SDK1: variants seen among roughly 807,000 people sequenced by gnomAD.
SDK1 encodes the protein protein sidekick-1.
Under a neutral mutation model 245.5 loss-of-function variants are expected in SDK1, and 157 were observed. That is an observed-to-expected ratio of 0.64 (90% confidence interval 0.56 to 0.73). The LOEUF is 0.73. SDK1 is among the 30% of genes least tolerant of loss of function. The pLI is 0.00. For synonymous variants in SDK1, 1,647 were observed against 1,278.5 expected (o/e 1.29, Z -6.15); for missense variants, 3,583 against 3,002.3 (o/e 1.19, Z -4.52).
At chr7:3,944,840 G>C (rs1264031686) in intron 5 of SDK1, among the ~76,000 whole-genome samples, 3 of 152,216 alleles carry the variant, frequency 2.0e-5, no homozygotes, top group African/African-American at 4.8e-5. Flanking sequence ...AAATCTCAGA[G>C]GGAGGCATCA....
intron 1 of SDK1, among the ~76,000 whole-genome samples, chr7:3,557,304 C>T (rs1047460323): frequency 2.0e-5 from 3 of 152,138 alleles, no homozygotes; most frequent in African/African-American, 7.2e-5. Context: ...TCATAAAGGA[C>T]AAGATTACAC....
At chr7:4,197,517 T>C (rs1210242769) in intron 35 of SDK1, among the ~76,000 whole-genome samples, 3 of 152,054 alleles carry the variant, frequency 2.0e-5, no homozygotes, top group Non-Finnish European at 4.4e-5. Context: ...AAAACATTCT[T>C]CCACAAGGAG....
chr7:3,866,915 C>T (rs1780836145), intron 5 of SDK1, among the ~76,000 whole-genome samples: 1 of 152,152 alleles, frequency 6.6e-6, no homozygotes, highest in African/African-American at 2.4e-5. Context: ...ACGTGGCCTC[C>T]ATCCACAGCC....
At position 3,347,073 on chromosome 7, in the gene SDK1, G is replaced by T. The variant is rs149247780; in HGVS notation, c.298+45189G>T. Among the ~76,000 whole-genome samples, 45 of 151,584 alleles carry T rather than the reference G, an allele frequency of 3.0e-4. 1 individual carries two copies. In the East Asian group the frequency reaches 8.8e-3, roughly 30 times the overall value. On this transcript the variant is annotated intron_variant, in intron 1 of 44. Coordinates refer to ENST00000404826, the MANE Select transcript of SDK1 (RefSeq NM_152744.4). ...GTTAAATTCTTGCTGTTCCCTGAAA[G>T]ACTTTGCATCTTCGTGCTTCTGTTG...
chr7:4,244,269 T>C (rs1338285672), intron 43 of SDK1, among the ~76,000 whole-genome samples: 1 of 152,210 alleles, frequency 6.6e-6, no homozygotes, highest in Non-Finnish European at 1.5e-5. Flanking sequence ...TGCCACTCAG[T>C]TCTGCACTCA....
At chr7:3,660,861 C>A (rs1302086701) in intron 4 of SDK1, among the ~76,000 whole-genome samples, 1 of 152,198 alleles carries the variant, frequency 6.6e-6, no homozygotes, top group Non-Finnish European at 1.5e-5. Context: ...TCTAGACTTG[C>A]CCATTCATTA....
At position 4,143,164 on chromosome 7, in the gene SDK1, G is replaced by A. The variant is rs1457164507; in HGVS notation, c.4229-2558G>A. On this transcript the variant is annotated intron_variant, in intron 28 of 44. Coordinates refer to ENST00000404826, the MANE Select transcript of SDK1 (RefSeq NM_152744.4). Reference sequence around the variant, plus strand: ...TGTTCTGGGCCCCTGTGCTGCTTCCGGTGGGCATTCAGCACCCTGTCCTGG... The same window carrying A: ...TGTTCTGGGCCCCTGTGCTGCTTCCAGTGGGCATTCAGCACCCTGTCCTGG... Among the ~76,000 whole-genome samples, 4 of 152,252 alleles carry A rather than the reference G, an allele frequency of 2.6e-5. No homozygotes were observed. In the East Asian group the frequency reaches 5.8e-4, roughly 22 times the overall value.
chr7:3,312,653 C>G (rs905683059), intron 1 of SDK1, among the ~76,000 whole-genome samples: 4 of 151,590 alleles, frequency 2.6e-5, no homozygotes, highest in African/African-American at 9.7e-5. Flanking sequence ...ATTGAAAAAT[C>G]AATAGATTTT....
intron 32 of SDK1, among the ~76,000 whole-genome samples, chr7:4,164,160 AG>A (rs1781346103): frequency 2.0e-5 from 3 of 152,124 alleles, no homozygotes; most frequent in Admixed American, 2.0e-4. Context: ...ACCAGAGCAT[AG>A]GGGGGCCAGA....
chr7:3,593,176 T>G (rs1316420114), intron 1 of SDK1, among the ~76,000 whole-genome samples: 3 of 151,814 alleles, frequency 2.0e-5, no homozygotes, highest in African/African-American at 7.3e-5. Flanking sequence ...CAAGTTAATT[T>G]CTTGACTTTA....
intron 1 of SDK1, among the ~76,000 whole-genome samples, chr7:3,526,375 A>C (rs1338649203): frequency 6.6e-6 from 1 of 152,220 alleles, no homozygotes; most frequent in African/African-American, 2.4e-5. Context: ...TATTGGAGAT[A>C]ATTTTTGAAG....
intron 38 of SDK1, among the ~76,000 whole-genome samples, chr7:4,218,906 G>A (rs1429654463): frequency 1.3e-5 from 2 of 151,150 alleles, no homozygotes; most frequent in Admixed American, 6.6e-5. Context: ...TTTTTTTAAT[G>A]CATCATTTTC....
At chr7:4,012,338 C>A in intron 16 of SDK1, 103 bp downstream of exon 16, 1 of 1,256,398 alleles carries the variant, frequency 8.0e-7, no homozygotes, top group South Asian at 2.0e-5. Flanking sequence ...AAACAGGAAC[C>A]AAAGGAGTCA....
At chr7:3,788,140 C>T (rs977272616) in intron 4 of SDK1, among the ~76,000 whole-genome samples, 1 of 152,156 alleles carries the variant, frequency 6.6e-6, no homozygotes, top group Admixed American at 6.5e-5. Flanking sequence ...CAGGAAGCCA[C>T]TCTGCACTCA....
chr7:4,084,624 C>T (rs1016477367), intron 22 of SDK1, among the ~76,000 whole-genome samples: 4 of 151,742 alleles, frequency 2.6e-5, no homozygotes, highest in African/African-American at 9.7e-5. Flanking sequence ...TTCATACTGA[C>T]GTTTCCAATG....
chr7:3,410,196 T>C (rs1046282383), intron 1 of SDK1, among the ~76,000 whole-genome samples: 5 of 152,180 alleles, frequency 3.3e-5, no homozygotes, highest in African/African-American at 1.2e-4. Context: ...TCTGAAACAT[T>C]TTGAGCACTG....
intron 30 of SDK1, among the ~76,000 whole-genome samples, chr7:4,154,124 G>A (rs1780572286): frequency 6.6e-6 from 1 of 152,182 alleles, no homozygotes; most frequent in Non-Finnish European, 1.5e-5. Context: ...CTATTTAAAA[G>A]ACTCTGCATT....
chr7:3,732,280 G>A (rs1054022288), intron 4 of SDK1, among the ~76,000 whole-genome samples: 1 of 152,150 alleles, frequency 6.6e-6, no homozygotes, highest in African/African-American at 2.4e-5. Flanking sequence ...GTGATGAAAC[G>A]AATGCTGGGG....
intron 5 of SDK1, among the ~76,000 whole-genome samples, chr7:3,861,661 A>T (rs934277259): frequency 6.6e-6 from 1 of 152,214 alleles, no homozygotes; most frequent in African/African-American, 2.4e-5. Context: ...ACACTTCTTT[A>T]TAAGCTGTCT....
Sources: gnomAD v4.1 joint callset for allele counts (sites outside exome capture counted in the v4.1 genomes callset) on GRCh38, gnomAD v4.1.1 for gene constraint, MANE v1.5 for transcripts, NCBI Gene and HGNC (gene_info 2026-07-23, HGNC 2026-07-21) for gene names.